Variants in ABCB4 observed in about 807,000 individuals in gnomAD.
ABCB4 encodes ATP binding cassette subfamily B member 4.
Under a neutral mutation model 145.7 loss-of-function variants are expected in ABCB4, and 76 were observed. That is an observed-to-expected ratio of 0.52 (90% CI 0.43 to 0.63). The LOEUF (loss-of-function observed/expected upper bound fraction) is 0.63, where lower values mean the gene tolerates loss of function less well. ABCB4 is among the 30% of genes least tolerant of loss of function. The pLI is 0.00. For missense variants in ABCB4, 1,234 were observed against 1,553.1 expected (o/e 0.79, Z 3.45); for synonymous variants, 517 against 566.8 (o/e 0.91, Z 1.25).
the ABCB4 span, chr7:87,382,588 G>T: frequency 1.9e-6 from 3 of 1,549,650 alleles, no homozygotes; most frequent in African/African-American, 1.4e-5. Context: ...GAAGTCCAAG[G>T]GTATATCTTT....
chr7:87,400,394 A>G (rs45501291), downstream of ABCB4, among the ~76,000 whole-genome samples: 8,179 of 152,282 alleles, frequency 0.054, 274 homozygotes, highest in Middle Eastern at 0.078. Context: ...TCTGAATTTG[A>G]TAAGACTGGT....
the ABCB4 span, among the ~76,000 whole-genome samples, chr7:87,395,597 A>G: frequency 6.6e-6 from 1 of 152,246 alleles, no homozygotes; most frequent in Non-Finnish European, 1.5e-5. Flanking sequence ...TTGAAGGGAA[A>G]AGATAAACAT....
chr7:87,402,621 G>T (rs1196527558), intron 27 of ABCB4, among the ~76,000 whole-genome samples: 1 of 152,070 alleles, frequency 6.6e-6, no homozygotes, highest in East Asian at 1.9e-4. Context: ...AATGTAATTT[G>T]TGCAGCTTTT....
rs397514620 is a variant in ABCB4 at position 87,439,765 on chromosome 7, G to A, written c.1633C>T (p.Arg545Cys). 17 of 1,613,998 alleles carry A rather than the reference G, an allele frequency of 1.1e-5. No individual in the cohort carries two copies. Among genetic ancestry groups the A allele is most frequent in the African/African-American group, 1.3e-5 (1 of 74,904 alleles). The change falls in exon 14 of 28, where the codon CGT becomes TGT. Residue 545 changes from arginine to cysteine, a missense_variant. Physicochemically the swap from Arg to Cys is radical, Grantham distance 180. Coordinates refer to ENST00000649586, the MANE Select transcript of ABCB4 (RefSeq NM_000443.4). ...GGQKQRIAIA[R>C]ALVRNPKILL... ...ATCTTGGGGTTGCGAACCAGGGCAC[G>A]TGCAATGGCGATCCTCTGCTTCTGC... is the stretch of plus-strand genomic sequence containing the variant.
chr7:87,419,789 A>C (rs953470002), intron 19 of ABCB4, among the ~76,000 whole-genome samples: 1 of 46,928 alleles, frequency 2.1e-5, no homozygotes, highest in South Asian at 8.9e-4. Context: ...TATTTCTATG[A>C]AAAAAAACAA....
chr7:87,417,980 A>C (rs1386442180), intron 20 of ABCB4, among the ~76,000 whole-genome samples: 1 of 152,252 alleles, frequency 6.6e-6, no homozygotes, highest in East Asian at 1.9e-4. Context: ...TGTACCACTC[A>C]GAAAACAAAG....
intron 3 of ABCB4, among the ~76,000 whole-genome samples, chr7:87,469,977 G>T (rs1270779860): frequency 2.0e-5 from 3 of 152,142 alleles, no homozygotes; most frequent in Non-Finnish European, 2.9e-5. Flanking sequence ...TATACTACAA[G>T]GCTACAGTAA....
At chr7:87,443,236 A>G (rs893136633) in intron 12 of ABCB4, 83 bp downstream of exon 12, 2 of 1,582,516 alleles carry the variant, frequency 1.3e-6, no homozygotes, top group African/African-American at 2.7e-5. Context: ...ATTCACACGC[A>G]AATTTGTTAC....
the ABCB4 span, chr7:87,391,726 AGG>A: frequency 6.3e-7 from 1 of 1,598,506 alleles, no homozygotes; most frequent in African/African-American, 1.4e-5. Context: ...AGTATTGGAA[AGG>A]AAAAAAACTC....
At chr7:87,470,080 C>A (rs1422695226) in intron 3 of ABCB4, among the ~76,000 whole-genome samples, 2 of 152,234 alleles carry the variant, frequency 1.3e-5, no homozygotes, top group Non-Finnish European at 2.9e-5. Flanking sequence ...CTACAACTAT[C>A]TGATCTTTGA....
At chr7:87,456,378 G>A (rs550620050) in intron 4 of ABCB4, among the ~76,000 whole-genome samples, 47 of 152,226 alleles carry the variant, frequency 3.1e-4, no homozygotes, top group African/African-American at 1.1e-3. Flanking sequence ...TGGGTCAAGG[G>A]GACAGATCCC....
intron 16 of ABCB4, among the ~76,000 whole-genome samples, chr7:87,425,761 G>A (rs548472561): frequency 6.6e-5 from 10 of 151,928 alleles, no homozygotes; most frequent in Admixed American, 2.6e-4. Context: ...CTGTAGTCCC[G>A]GCTACTAAGG....
chr7:87,431,312 C>T, intron 15 of ABCB4, 92 bp downstream of exon 15: 2 of 1,518,590 alleles, frequency 1.3e-6, no homozygotes, highest in Admixed American at 3.4e-5. Context: ...TTTCTTCTTG[C>T]TCAGTATAGC....
intron 22 of ABCB4, among the ~76,000 whole-genome samples, chr7:87,413,416 T>C (rs1808759038): frequency 6.6e-6 from 1 of 152,238 alleles, no homozygotes; most frequent in Non-Finnish European, 1.5e-5. Flanking sequence ...TCTTGTTGTT[T>C]GCATAAGATG....
chr7:87,369,465 A>C, the ABCB4 span: 1 of 1,611,472 alleles, frequency 6.2e-7, no homozygotes, highest in Non-Finnish European at 8.5e-7. Flanking sequence ...ATGTTTGGTC[A>C]CCCCGCCAGA....
At chr7:87,473,362 A>T (rs1480820993) in intron 2 of ABCB4, among the ~76,000 whole-genome samples, 1 of 152,026 alleles carries the variant, frequency 6.6e-6, no homozygotes, top group Non-Finnish European at 1.5e-5. Context: ...AAACCTGCTT[A>T]CTCTGCTCCA....
rs774697455 is a variant in ABCB4, at chr7:87,412,008, A to C, written c.2809T>G (p.Tyr937Asp). Reference sequence around the variant, plus strand: ...TGTGAGATACTAAAAGTAATTCCATAGATGTGTGCCTTCTGCACAGAATTC... The same window carrying C: ...TGTGAGATACTAAAAGTAATTCCATCGATGTGTGCCTTCTGCACAGAATTC... ...YRNSVQKAHI[Y>D]GITFSISQAF... is the part of the protein sequence containing the mutation. Residue 937 changes from tyrosine to aspartate, a missense_variant, in exon 23 of 28, where the codon TAT becomes GAT. Physicochemically the swap from Tyr to Asp is radical, Grantham distance 160. Around this residue, in one of 7 missense-constraint regions of ABCB4, gnomAD observed 301 missense variants for 389.0 expected, o/e 0.77. Transcript: ENST00000649586. The C allele has an allele frequency of 6.2e-7, 1 of 1,613,912 alleles. No homozygotes were observed. The highest frequency in any genetic ancestry group is 8.5e-7 in the Non-Finnish European group (1 of 1,179,804).
the ABCB4 span, among the ~76,000 whole-genome samples, chr7:87,367,751 T>C: frequency 5.3e-5 from 8 of 152,348 alleles, no homozygotes; most frequent in Middle Eastern, 3.4e-3. Context: ...TTTTCTTTAC[T>C]TGATTGTTCC....
chr7:87,470,020 G>T (rs973258062), intron 3 of ABCB4, among the ~76,000 whole-genome samples: 38 of 152,102 alleles, frequency 2.5e-4, no homozygotes, highest in Non-Finnish European at 4.3e-4. Flanking sequence ...CCAAAACAGA[G>T]ATATAGACCA....
Sources: allele counts gnomAD v4.1 joint callset (sites outside exome capture counted in the v4.1 genomes callset), GRCh38; gene constraint gnomAD v4.1.1; regional missense constraint gnomAD v4.1.1; transcripts MANE v1.5; gene names NCBI Gene and HGNC (gene_info 2026-07-23, HGNC 2026-07-21).